CASK: variants seen among roughly 807,000 people sequenced by gnomAD.
CASK encodes peripheral plasma membrane protein CASK.
A neutral mutation model predicts 82.9 loss-of-function variants in CASK; 4 were observed. The observed-to-expected ratio is 0.05, with a 90% confidence interval of 0.02 to 0.11. CASK has a LOEUF of 0.11. CASK is among the 10% of genes least tolerant of loss of function. CASK has a pLI of 1.00. For missense variants in CASK, 358 were observed against 720.9 expected, an observed-to-expected ratio of 0.50 and a Z score of 5.76; for synonymous variants, 259 against 253.5, an observed-to-expected ratio of 1.02 and a Z score of -0.20.
intron 1 of CASK, among the ~76,000 whole-genome samples, chrX:41,922,086 G>C (rs1056095913): frequency 9.0e-5 from 10 of 111,442 alleles, no homozygotes; most frequent in African/African-American, 3.3e-4. Context: ...AGAATGAAAA[G>C]GAAACTATTC....
chrX:41,720,960 T>C (rs2068154562), intron 5 of CASK, among the ~76,000 whole-genome samples: 1 of 111,753 alleles, frequency 8.9e-6, no homozygotes, highest in Admixed American at 9.5e-5. Flanking sequence ...CACAAATCCA[T>C]CTCAAAAGCA....
At chrX:41,608,037 TTGAAC>T (rs947249465) in intron 12 of CASK, among the ~76,000 whole-genome samples, 1 of 112,210 alleles carries the variant, frequency 8.9e-6, no homozygotes, top group Non-Finnish European at 1.9e-5. Context: ...GATAATTAAT[TTGAAC>T]TGACCACATT....
At chrX:41,847,914 A>G (rs971579204) in intron 2 of CASK, among the ~76,000 whole-genome samples, 2 of 112,116 alleles carry the variant, frequency 1.8e-5, no homozygotes, top group Non-Finnish European at 3.8e-5. Flanking sequence ...GTAGCCTGAA[A>G]GTCAGCTAGA....
chrX:41,854,588 C>T (rs1307900298), intron 1 of CASK, among the ~76,000 whole-genome samples: 1 of 112,287 alleles, frequency 8.9e-6, no homozygotes, highest in Admixed American at 9.4e-5. Flanking sequence ...CAGTACTACA[C>T]TTGTGATACT....
At chrX:41,862,951 G>A (rs775034046) in intron 1 of CASK, among the ~76,000 whole-genome samples, 2 of 111,746 alleles carry the variant, frequency 1.8e-5, no homozygotes, top group East Asian at 5.6e-4. Context: ...ACATGGCTAT[G>A]TTTGGAAAAT....
chrX:41,644,696 C>T (rs764875407), intron 8 of CASK, among the ~76,000 whole-genome samples: 2 of 111,964 alleles, frequency 1.8e-5, no homozygotes, highest in Admixed American at 9.5e-5. Flanking sequence ...GGAGAAATAT[C>T]GCTGAATTCT....
intron 26 of CASK, 91 bp downstream of exon 26, chrX:41,523,860 C>A: frequency 1.5e-6 from 1 of 678,082 alleles, no homozygotes; most frequent in South Asian, 2.3e-5. Flanking sequence ...AGCAGCCTTG[C>A]TGCAAATGTA....
intron 17 of CASK, among the ~76,000 whole-genome samples, chrX:41,560,564 A>T (rs763337016): frequency 8.5e-5 from 9 of 105,846 alleles, no homozygotes; most frequent in African/African-American, 2.7e-4. Context: ...GCACCCAGCC[A>T]CTTTTTGCTT....
At chrX:41,669,886 G>T (rs764038002) in intron 6 of CASK, among the ~76,000 whole-genome samples, 1 of 111,544 alleles carries the variant, frequency 9.0e-6, no homozygotes, top group African/African-American at 3.3e-5. Context: ...ATGAAGAATG[G>T]CCAAATCACC....
chrX:41,787,098 T>G, intron 3 of CASK, 80 bp downstream of exon 3: 1 of 621,068 alleles, frequency 1.6e-6, no homozygotes, highest in Non-Finnish European at 2.8e-6. Flanking sequence ...ACTGCTAAAT[T>G]TCAAGAGAAA....
chrX:41,721,439 A>T (rs1293573570), intron 5 of CASK, among the ~76,000 whole-genome samples: 1 of 111,476 alleles, frequency 9.0e-6, no homozygotes, highest in Non-Finnish European at 1.9e-5. Flanking sequence ...CAGAGTTTTC[A>T]AAGACAGAAA....
chrX:41,565,811 AT>A (rs1227492874), intron 16 of CASK, among the ~76,000 whole-genome samples: 3 of 111,911 alleles, frequency 2.7e-5, no homozygotes, highest in African/African-American at 9.8e-5. Flanking sequence ...AATACCCCTG[AT>A]GAACATTGAT....
chrX:41,888,650 T>C (rs779221177), intron 1 of CASK, among the ~76,000 whole-genome samples: 8 of 104,717 alleles, frequency 7.6e-5, no homozygotes, highest in Non-Finnish European at 1.2e-4. Flanking sequence ...TATATATGTG[T>C]ATATATGTGT....
chrX:41,569,887 T>C lies in CASK; in HGVS notation c.1504-141A>G, dbSNP rs186164418. ...AAAATATGGAAAATGGAGAAGACCA[T>C]CCAGTATGCCACGCACACAAAATTG... On this transcript the variant is annotated intron_variant, in intron 15 of 26. Coordinates refer to ENST00000378163, the MANE Select transcript of CASK (RefSeq NM_001367721.1). 5.1e-5 allele frequency: 23 copies of C among 447,409 alleles called. No individual in the cohort carries two copies. In the East Asian group the frequency reaches 8.6e-4, roughly 17 times the overall value. The allele number at this position is 447,409 out of a possible 1,213,427, so 36.9% of individuals were successfully genotyped here. A position where few individuals can be genotyped will look rare whatever the true frequency, so the allele number is the denominator to read the frequency against.
At chrX:41,580,013 T>C (rs185478943) in intron 14 of CASK, among the ~76,000 whole-genome samples, 2 of 111,393 alleles carry the variant, frequency 1.8e-5, no homozygotes, top group Admixed American at 1.9e-4. Context: ...CACTAAGCAA[T>C]ATATAGCTTG....
intron 3 of CASK, among the ~76,000 whole-genome samples, chrX:41,747,438 T>C (rs2068706270): frequency 9.0e-6 from 1 of 111,116 alleles, no homozygotes; most frequent in African/African-American, 3.3e-5. Flanking sequence ...AAGGGGTATA[T>C]ACAATAGCAT....
At chrX:41,659,999 A>T (rs2067006695) in intron 8 of CASK, 1 of 89,356 alleles carries the variant, frequency 1.1e-5, no homozygotes, top group African/African-American at 4.2e-5. Flanking sequence ...ACCTTGTCTA[A>T]AAAAAAAAAA....
chrX:41,641,956 T>G (rs1386871909), intron 8 of CASK, among the ~76,000 whole-genome samples: 2 of 101,249 alleles, frequency 2.0e-5, no homozygotes, highest in Non-Finnish European at 4.0e-5. Context: ...CCAAGTGTTC[T>G]CATTGTTCAA....
At chrX:41,656,925 T>C (rs1397681620) in intron 8 of CASK, among the ~76,000 whole-genome samples, 2 of 111,678 alleles carry the variant, frequency 1.8e-5, no homozygotes, top group African/African-American at 6.5e-5. Flanking sequence ...AAACAAGAAA[T>C]TGTAACTATG....
Sources: allele counts gnomAD v4.1 joint callset (sites outside exome capture counted in the v4.1 genomes callset), GRCh38; gene constraint gnomAD v4.1.1; transcripts MANE v1.5; gene names NCBI Gene and HGNC (gene_info 2026-07-23, HGNC 2026-07-21).